Variants in GRM8 observed in about 807,000 individuals in gnomAD.
The protein encoded by GRM8 is metabotropic glutamate receptor 8.
A neutral mutation model predicts 87.2 loss-of-function variants in GRM8; 47 were observed. That is an observed-to-expected ratio of 0.54 (90% CI 0.43 to 0.69). The LOEUF is 0.69. Among genes scored for constraint, GRM8 ranks in the 30% least tolerant of loss-of-function variants. GRM8 has a pLI of 0.00. For synonymous variants in GRM8, 396 were observed against 404.5 expected, an observed-to-expected ratio of 0.98 and a Z score of 0.25; for missense variants, 1,019 against 1,139.2, an observed-to-expected ratio of 0.89 and a Z score of 1.52.
At chr7:126,768,985 C>T (rs61755403) in intron 7 of GRM8, among the ~76,000 whole-genome samples, 2,850 of 150,878 alleles carry the variant, frequency 0.019, 96 homozygotes, top group African/African-American at 0.066. Context: ...AAGATGACCT[C>T]GTGCTTTTCT....
intron 9 of GRM8, among the ~76,000 whole-genome samples, chr7:126,448,808 T>G (rs1487318884): frequency 6.6e-6 from 1 of 151,942 alleles, no homozygotes; most frequent in Non-Finnish European, 1.5e-5. Context: ...TACTGCTTGT[T>G]CTCACTTATA....
At chr7:126,792,069 A>C (rs1417131281) in intron 6 of GRM8, among the ~76,000 whole-genome samples, 1 of 152,160 alleles carries the variant, frequency 6.6e-6, no homozygotes, top group Admixed American at 6.5e-5. Flanking sequence ...GGTACATGCA[A>C]AATGCTGCTG....
chr7:126,950,591 C>T (rs1351425400), intron 3 of GRM8, among the ~76,000 whole-genome samples: 1 of 151,998 alleles, frequency 6.6e-6, no homozygotes, highest in African/African-American at 2.4e-5. Flanking sequence ...TCAAAAACTT[C>T]AGCTTAGAGT....
intron 7 of GRM8, among the ~76,000 whole-genome samples, chr7:126,692,220 A>G (rs987835609): frequency 6.6e-6 from 1 of 152,244 alleles, no homozygotes; most frequent in Non-Finnish European, 1.5e-5. Flanking sequence ...AGTTAGTTCT[A>G]TGTGTATCAC....
In GRM8 at chr7:126,808,764, CAGA is replaced by C. The variant is rs559935802; in HGVS notation, c.1157-38702_1157-38700del. Among the ~76,000 whole-genome samples the C allele has an allele frequency of 1.6e-3, 249 of 152,222 alleles. 1 individual carries two copies. The highest frequency in any genetic ancestry group is 4.9e-3 in the African/African-American group (202 of 41,542). On this transcript the variant is annotated intron_variant, in intron 6 of 10. Transcript: ENST00000339582. ...TTAAACTGTAGTATGAAATGCAAAC[CAGA>C]AGAACTATTTCTTGAGGTTCCAGAG...
intron 2 of GRM8, among the ~76,000 whole-genome samples, chr7:127,188,664 C>G (rs992408505): frequency 6.6e-6 from 1 of 152,190 alleles, no homozygotes; most frequent in Admixed American, 6.5e-5. Context: ...TCTCCCCAAC[C>G]AATCTATCAA....
chr7:126,884,070 T>A (rs941301729), intron 6 of GRM8, among the ~76,000 whole-genome samples: 2 of 151,450 alleles, frequency 1.3e-5, no homozygotes, highest in Non-Finnish European at 2.9e-5. Flanking sequence ...TTAGCTGTGA[T>A]TTTTTTCTAT....
At chr7:126,756,431 A>C (rs974552596) in intron 7 of GRM8, among the ~76,000 whole-genome samples, 8 of 152,120 alleles carry the variant, frequency 5.3e-5, no homozygotes, top group African/African-American at 1.9e-4. Context: ...GGCTTCATTA[A>C]AATGAAAAAC....
chr7:126,588,679 T>A (rs901653595), intron 8 of GRM8, among the ~76,000 whole-genome samples: 1 of 151,986 alleles, frequency 6.6e-6, no homozygotes, highest in African/African-American at 2.4e-5. Flanking sequence ...CATGTGGAGA[T>A]ACATCATGAA....
chr7:126,842,378 C>T (rs1192713606), intron 6 of GRM8, among the ~76,000 whole-genome samples: 1 of 152,132 alleles, frequency 6.6e-6, no homozygotes, highest in East Asian at 1.9e-4. Context: ...GGAACTCCCA[C>T]CCAAAACTAT....
intron 7 of GRM8, among the ~76,000 whole-genome samples, chr7:126,636,769 A>G (rs1286191809): frequency 2.0e-5 from 3 of 152,082 alleles, no homozygotes; most frequent in African/African-American, 4.8e-5. Context: ...AACACAAAAT[A>G]GGAATTTTTA....
chr7:126,697,723 G>A (rs1441857383), intron 7 of GRM8, among the ~76,000 whole-genome samples: 1 of 151,788 alleles, frequency 6.6e-6, no homozygotes, highest in Non-Finnish European at 1.5e-5. Context: ...CCTTCTCTTT[G>A]GGGCATTAAT....
At chr7:126,546,415 C>A (rs1012521891) in intron 8 of GRM8, among the ~76,000 whole-genome samples, 2 of 152,094 alleles carry the variant, frequency 1.3e-5, no homozygotes, top group Admixed American at 1.3e-4. Context: ...AAAACCAACT[C>A]TATTAGGAAC....
chr7:127,015,035 AAG>A (rs1815328967), intron 3 of GRM8, among the ~76,000 whole-genome samples: 2 of 124,262 alleles, frequency 1.6e-5, no homozygotes, highest in South Asian at 2.8e-4. Context: ...GAAGAAGAAG[AAG>A]AAGAAGAAGA....
At chr7:127,041,225 C>A (rs190544374) in intron 3 of GRM8, among the ~76,000 whole-genome samples, 1 of 152,176 alleles carries the variant, frequency 6.6e-6, no homozygotes, top group Non-Finnish European at 1.5e-5. Flanking sequence ...GGGGCATAGA[C>A]AGTGGACTGG....
rs543555409 is a variant in GRM8, at chr7:126,526,317, C to T, written c.2430+6635G>A. The stretch of plus-strand genomic sequence containing the variant: ...GCATTTTAACATAAAGTCATGGTCA[C>T]TGAAATCTGAAAATATTCACATTTC... On this transcript the variant is annotated intron_variant, in intron 9 of 10. Coordinates refer to ENST00000339582, the MANE Select transcript of GRM8 (RefSeq NM_000845.3). Among the ~76,000 whole-genome samples the T allele has an allele frequency of 3.9e-5, 6 of 152,290 alleles. No homozygotes were observed. The South Asian group carries it at 6.2e-4, about 16-fold the overall frequency.
chr7:126,475,460 GAAGA>G (rs754395263), intron 9 of GRM8, among the ~76,000 whole-genome samples: 4 of 151,924 alleles, frequency 2.6e-5, no homozygotes, highest in Non-Finnish European at 4.4e-5. Flanking sequence ...TGAAAAAATT[GAAGA>G]AAGACACAAA....
chr7:127,180,223 T>C (rs754047956), intron 2 of GRM8, among the ~76,000 whole-genome samples: 1 of 151,962 alleles, frequency 6.6e-6, no homozygotes, highest in African/African-American at 2.4e-5. Context: ...CTATGACGCA[T>C]TTACGCACAT....
At chr7:126,911,320 A>G (rs1214628746) in intron 3 of GRM8, among the ~76,000 whole-genome samples, 3 of 152,184 alleles carry the variant, frequency 2.0e-5, no homozygotes, top group Non-Finnish European at 4.4e-5. Flanking sequence ...AAAGTTATTT[A>G]CATTCTTCTC....
Sources: allele counts gnomAD v4.1 joint callset (sites outside exome capture counted in the v4.1 genomes callset), GRCh38; gene constraint gnomAD v4.1.1; transcripts MANE v1.5; gene names NCBI Gene and HGNC (gene_info 2026-07-23, HGNC 2026-07-21).